AFMID: variants seen among roughly 807,000 people sequenced by gnomAD.
AFMID encodes arylformamidase.
In AFMID, 39 loss-of-function variants were observed where a neutral mutation model predicts 47.5. The ratio of observed to expected loss-of-function variants is 0.82; its 90% CI spans 0.64 to 1.07. The LOEUF (loss-of-function observed/expected upper bound fraction) is 1.07. AFMID is among the 50% of genes least tolerant of loss of function. The probability of loss-of-function intolerance (pLI) is 0.00; values close to 1 mark genes in which losing one functional copy is unlikely to be tolerated. For synonymous variants in AFMID, 130 were observed against 153.2 expected (o/e 0.85, Z 1.12); for missense variants, 375 against 387.5 (o/e 0.97, Z 0.27).
chr17:78,200,800 T>C (rs1404408536), intron 2 of AFMID, among the ~76,000 whole-genome samples: 1 of 152,204 alleles, frequency 6.6e-6, no homozygotes, highest in Non-Finnish European at 1.5e-5. Flanking sequence ...TTGCAGTACT[T>C]TGTTACAGCT....
rs555697665 is a variant in AFMID at position 78,201,102 on chromosome 17, T to A, written c.155-1397T>A. The stretch of plus-strand genomic sequence containing the variant: ...GCTTCTGCCTCCCAGGTTCAAGTAA[T>A]CCTCCCACTTCAGCCTCCCGAGTAG... On this transcript the variant is annotated intron_variant, in intron 2 of 10. Coordinates refer to ENST00000409257, the MANE Select transcript of AFMID (RefSeq NM_001010982.5). Among the ~76,000 whole-genome samples the A allele has an allele frequency of 5.3e-5, 8 of 150,710 alleles. No individual in the cohort carries two copies. In the South Asian group the frequency reaches 1.7e-3, roughly 32 times the overall value.
intron 1 of AFMID, among the ~76,000 whole-genome samples, chr17:78,189,378 A>T (rs1431301644): frequency 1.3e-5 from 2 of 151,340 alleles, no homozygotes; most frequent in Non-Finnish European, 2.9e-5. Flanking sequence ...GCCCGCCACC[A>T]TGCCCAGCTA....
At position 78,190,987 on chromosome 17, in the gene AFMID, C is replaced by G; in HGVS notation, c.81C>G (p.Tyr27Ter). ...CCCTGCAGGAGCTGGAGAATCAGTACTGTCCCAGCCGATGGGTTGTCCGAC... is the reference window on the plus strand; with the variant it reads ...CCCTGCAGGAGCTGGAGAATCAGTAGTGTCCCAGCCGATGGGTTGTCCGAC... Reference protein sequence around the residue: ...KMSAEELENQYCPSRWVVRLG... With the variant: ...KMSAEELENQ Residue 27 changes from tyrosine (Y) to a stop codon, truncating the protein, a stop_gained, in exon 2 of 11, where the codon TAC (tyrosine) becomes TAG (stop). Transcript: ENST00000409257. LOFTEE classifies it high-confidence loss of function. The G allele has an allele frequency of 1.9e-6, 3 of 1,613,884 alleles. No homozygotes were observed. Among genetic ancestry groups the G allele is most frequent in the Non-Finnish European group, 2.5e-6 (3 of 1,179,980 alleles).
chr17:78,198,223 T>C (rs1390439104), intron 2 of AFMID, among the ~76,000 whole-genome samples: 3 of 151,386 alleles, frequency 2.0e-5, no homozygotes, highest in Non-Finnish European at 4.4e-5. Context: ...AGTGAAACCG[T>C]GTCTCAAAAA....
intron 1 of AFMID, among the ~76,000 whole-genome samples, chr17:78,189,963 C>G (rs550190904): frequency 6.6e-6 from 1 of 151,290 alleles, no homozygotes; most frequent in Non-Finnish European, 1.5e-5. Flanking sequence ...TCCTGAGTAG[C>G]TGGGATTACA....
intron 2 of AFMID, among the ~76,000 whole-genome samples, chr17:78,191,938 G>A (rs1392133334): frequency 6.6e-6 from 1 of 151,820 alleles, no homozygotes; most frequent in Non-Finnish European, 1.5e-5. Context: ...TGGCTGCCTC[G>A]GCCTCCCAAA....
intron 2 of AFMID, among the ~76,000 whole-genome samples, chr17:78,198,794 G>A (rs7221350): frequency 0.41 from 61,948 of 151,650 alleles, 14,555 homozygotes; most frequent in African/African-American, 0.64. Flanking sequence ...GGGCGACAGA[G>A]CGAGCCTCTG....
intron 2 of AFMID, among the ~76,000 whole-genome samples, chr17:78,194,884 G>A (rs1399031021): frequency 6.6e-6 from 1 of 151,950 alleles, no homozygotes; most frequent in African/African-American, 2.4e-5. Flanking sequence ...AGTAGAGACG[G>A]GGTTTCTCCA....
Position 78,190,958 on chromosome 17 carries a change from T to G in AFMID, c.64-12T>G. On this transcript the variant is annotated splice_polypyrimidine_tract_variant and intron_variant, in intron 1 of 10. Transcript: ENST00000409257. ...GGAAAGTCTTACGGAGCCTCATGTT[T>G]GTGCCCTGCAGGAGCTGGAGAATCA... 1 of 1,612,856 alleles carries G rather than the reference T, an allele frequency of 6.2e-7. No individual in the cohort carries two copies. The highest frequency in any genetic ancestry group is 8.5e-7 in the Non-Finnish European group (1 of 1,179,538).
intron 2 of AFMID, among the ~76,000 whole-genome samples, chr17:78,198,811 AAAAAC>A (rs377427188): frequency 1.5e-3 from 233 of 152,072 alleles, no homozygotes; most frequent in African/African-American, 4.5e-3. Flanking sequence ...TCTGTCTCAA[AAAAAC>A]AAAACAAAAC....
In AFMID at chr17:78,199,679, T is replaced by C. The variant is rs1313776167; in HGVS notation, c.155-2820T>C. On this transcript the variant is annotated intron_variant, in intron 2 of 10. Transcript: ENST00000409257. ...TGCGCCGCCGCGCCCGGCCAGGCTT[T>C]TTTTTCTCTAGGCCTGCTGTGGCCA... Among the ~76,000 whole-genome samples, 5 of 152,018 alleles carry C rather than the reference T, an allele frequency of 3.3e-5. No homozygotes were observed. The South Asian group carries it at 8.3e-4, about 25-fold the overall frequency.
intron 1 of AFMID, among the ~76,000 whole-genome samples, chr17:78,188,757 C>T (rs138019368): frequency 3.7e-4 from 56 of 152,262 alleles, no homozygotes; most frequent in African/African-American, 1.3e-3. Flanking sequence ...CAACCATGCC[C>T]GGCTAATTTT....
chr17:78,190,125 C>A (rs1344950247), intron 1 of AFMID, among the ~76,000 whole-genome samples: 1 of 151,530 alleles, frequency 6.6e-6, no homozygotes, highest in South Asian at 2.1e-4. Flanking sequence ...CCGCGCCCAG[C>A]CTCTGTTTTT....
At chr17:78,195,612 C>T (rs1034817790) in intron 2 of AFMID, among the ~76,000 whole-genome samples, 1 of 151,688 alleles carries the variant, frequency 6.6e-6, no homozygotes, top group East Asian at 1.9e-4. Flanking sequence ...AAGCAGTTCT[C>T]CTGCCTTGGC....
Position 78,206,060 on chromosome 17 carries a change from C to T in AFMID, c.885+10C>T. 1 of 1,612,256 alleles carries T rather than the reference C, an allele frequency of 6.2e-7. No homozygotes were observed. Among genetic ancestry groups the T allele is most frequent in the African/African-American group, 1.3e-5 (1 of 75,030 alleles). ...CAACGTGCTCACCCAGGTGGGGCCTCATCCCTGGCAGCCCTTTCATGGTAG... is the reference window on the plus strand; with the variant it reads ...CAACGTGCTCACCCAGGTGGGGCCTTATCCCTGGCAGCCCTTTCATGGTAG... On this transcript the variant is annotated intron_variant, in intron 10 of 10. Transcript: ENST00000409257.
chr17:78,195,643 C>T (rs2076093625), intron 2 of AFMID, among the ~76,000 whole-genome samples: 1 of 151,840 alleles, frequency 6.6e-6, no homozygotes, highest in Non-Finnish European at 1.5e-5. Context: ...GCTGGGATTA[C>T]AGGCGTGCGC....
intron 5 of AFMID, 40 bp from the exon 6 acceptor site, chr17:78,204,788 A>G: frequency 7.4e-6 from 12 of 1,614,104 alleles, no homozygotes; most frequent in East Asian, 2.2e-5. Flanking sequence ...GGGCTTTAGG[A>G]GGAAGTGCAT....
At chr17:78,199,313 C>T (rs8082142) in intron 2 of AFMID, among the ~76,000 whole-genome samples, 52,473 of 151,944 alleles carry the variant, frequency 0.35, 10,155 homozygotes, top group East Asian at 0.64. Flanking sequence ...CTTCCTCTGC[C>T]GTGTTTACCC....
chr17:78,190,834 A>G, intron 1 of AFMID, 136 bp from the exon 2 acceptor site: 1 of 708,828 alleles, frequency 1.4e-6, no homozygotes, highest in Non-Finnish European at 2.4e-6. Flanking sequence ...CATGGATCTG[A>G]GGGCATCTTG....
Sources: allele counts gnomAD v4.1 joint callset (sites outside exome capture counted in the v4.1 genomes callset), GRCh38; gene constraint gnomAD v4.1.1; transcripts MANE v1.5; gene names NCBI Gene and HGNC (gene_info 2026-07-23, HGNC 2026-07-21).